The following BCKDHB variants were observed in gnomAD, a reference collection of about 807,000 sequenced individuals.
BCKDHB encodes branched chain keto acid dehydrogenase E1 subunit beta, also known as 2-oxoisovalerate dehydrogenase subunit beta, mitochondrial.
In BCKDHB, 41 loss-of-function variants were observed where a neutral mutation model predicts 48.5. The observed-to-expected ratio is 0.85, with a 90% CI of 0.66 to 1.10. BCKDHB has a LOEUF of 1.10. Ranked by LOEUF, BCKDHB falls within the 50% of genes least tolerant of loss-of-function variation. The pLI, the probability that BCKDHB is intolerant of heterozygous loss-of-function variation, is 0.00. For missense variants in BCKDHB, 496 were observed against 494.2 expected (o/e 1.00, Z -0.03); for synonymous variants, 201 against 174.8 (o/e 1.15, Z -1.18).
the BCKDHB span, among the ~76,000 whole-genome samples, chr6:80,367,430 T>C: frequency 6.6e-6 from 1 of 152,208 alleles, no homozygotes; most frequent in Non-Finnish European, 1.5e-5. Context: ...TATTTCATTC[T>C]TACCTGAACA....
the BCKDHB span, among the ~76,000 whole-genome samples, chr6:80,437,694 C>T: frequency 1.3e-5 from 2 of 152,280 alleles, no homozygotes; most frequent in Non-Finnish European, 2.9e-5. Flanking sequence ...CTTTGATGCT[C>T]ATGGTTTTCA....
intron 9 of BCKDHB, among the ~76,000 whole-genome samples, chr6:80,288,230 C>G (rs1194942571): frequency 1.3e-5 from 2 of 151,832 alleles, no homozygotes; most frequent in African/African-American, 4.8e-5. Flanking sequence ...TTAATAACAA[C>G]TTTTAAAGTT....
At chr6:80,303,265 C>T (rs1767679942) in intron 9 of BCKDHB, among the ~76,000 whole-genome samples, 1 of 152,052 alleles carries the variant, frequency 6.6e-6, no homozygotes, top group Non-Finnish European at 1.5e-5. Flanking sequence ...TATCCACTGG[C>T]ATCGAGGTGG....
chr6:80,350,931 TAACGCTTGGTCTACAGAAGGCTCTC>T (rs1770374901), downstream of BCKDHB, among the ~76,000 whole-genome samples: 3 of 152,166 alleles, frequency 2.0e-5, no homozygotes, highest in South Asian at 6.2e-4. Flanking sequence ...GAACCTAGAG[TAACGCTTGGTCTACAGAAGGCTCTC>T]AATATGTTGC....
chr6:80,220,740 T>C (rs1460760214), intron 8 of BCKDHB, among the ~76,000 whole-genome samples: 6 of 138,108 alleles, frequency 4.3e-5, no homozygotes, highest in African/African-American at 1.0e-4. Context: ...TTTTCTTTTT[T>C]TTTTTTTTTT....
chr6:80,413,825 G>C, the BCKDHB span, among the ~76,000 whole-genome samples: 1 of 152,096 alleles, frequency 6.6e-6, no homozygotes, highest in African/African-American at 2.4e-5. Flanking sequence ...CAGTAATGGG[G>C]TTGCTGGGTC....
intron 9 of BCKDHB, 67 bp from the exon 10 acceptor site, chr6:80,343,597 G>T: frequency 6.7e-7 from 1 of 1,499,120 alleles, no homozygotes; most frequent in East Asian, 2.3e-5. Flanking sequence ...AATATTTTAA[G>T]TTGCACTATT....
chr6:80,273,235 T>C lies in BCKDHB; in HGVS notation c.1038+14T>C. 6.2e-7 allele frequency: 1 copy of C among 1,605,742 alleles called. No homozygotes were observed. On this transcript the variant is annotated intron_variant, in intron 9 of 9. Coordinates refer to ENST00000320393, the MANE Select transcript of BCKDHB (RefSeq NM_183050.4). The stretch of plus-strand genomic sequence containing the variant: ...TCTACAGTTCAGGTAGAGTAATTTT[T>C]GGAACTGATTTCAATGCTTGTGCAA...
chr6:80,322,499 A>C (rs1768791609), intron 9 of BCKDHB, among the ~76,000 whole-genome samples: 1 of 151,908 alleles, frequency 6.6e-6, no homozygotes, highest in Admixed American at 6.6e-5. Flanking sequence ...GGCCTCCCAA[A>C]GTGCTGGGAT....
the BCKDHB span, among the ~76,000 whole-genome samples, chr6:80,378,469 A>G: frequency 4.0e-5 from 6 of 151,854 alleles, no homozygotes; most frequent in East Asian, 1.9e-4. Context: ...GTGTGTGTGT[A>G]TATATATAAT....
At chr6:80,110,044 T>G (rs943408339) in intron 1 of BCKDHB, among the ~76,000 whole-genome samples, 1 of 152,242 alleles carries the variant, frequency 6.6e-6, no homozygotes, top group Non-Finnish European at 1.5e-5. Flanking sequence ...CTTTTCACTC[T>G]TTTATTTTGG....
chr6:80,156,832 A>G (rs550736751), intron 3 of BCKDHB, among the ~76,000 whole-genome samples: 1 of 152,310 alleles, frequency 6.6e-6, no homozygotes, highest in South Asian at 2.1e-4. Context: ...TGGTGTTGAC[A>G]TTTCAGCAGA....
chr6:80,359,659 A>G, the BCKDHB span, among the ~76,000 whole-genome samples: 1 of 152,252 alleles, frequency 6.6e-6, no homozygotes, highest in East Asian at 1.9e-4. Flanking sequence ...CAGTGGCGCT[A>G]TCTGGGCTCA....
At chr6:80,314,700 G>A (rs567179948) in intron 9 of BCKDHB, among the ~76,000 whole-genome samples, 10 of 152,104 alleles carry the variant, frequency 6.6e-5, no homozygotes, top group East Asian at 1.9e-4. Context: ...CCGCTGAGTC[G>A]TCAAAACAAC....
At chr6:80,314,337 G>A (rs746479387) in intron 9 of BCKDHB, among the ~76,000 whole-genome samples, 3 of 152,220 alleles carry the variant, frequency 2.0e-5, no homozygotes, top group South Asian at 2.1e-4. Context: ...ATCTGGCTGC[G>A]TTTTGGTGGA....
the BCKDHB span, among the ~76,000 whole-genome samples, chr6:80,398,759 G>T: frequency 6.6e-6 from 1 of 151,070 alleles, no homozygotes; most frequent in South Asian, 2.1e-4. Flanking sequence ...GAATTATCTT[G>T]ATACCAAAAC....
chr6:80,212,940 A>G (rs1775007107), intron 8 of BCKDHB, among the ~76,000 whole-genome samples: 2 of 152,112 alleles, frequency 1.3e-5, no homozygotes, highest in African/African-American at 4.8e-5. Flanking sequence ...TACTCTTGTT[A>G]TTTACATTGT....
At chr6:80,390,308 T>A in the BCKDHB span, among the ~76,000 whole-genome samples, 1 of 82,554 alleles carries the variant, frequency 1.2e-5, no homozygotes. Context: ...GGAATGAAGG[T>A]TTGGGTCACT....
At chr6:80,457,757 G>A in the BCKDHB span, among the ~76,000 whole-genome samples, 3 of 152,178 alleles carry the variant, frequency 2.0e-5, no homozygotes, top group Non-Finnish European at 2.9e-5. Flanking sequence ...CATCCTATTT[G>A]TGGCCCTCTT....
Sources: gnomAD v4.1 joint callset for allele counts (sites outside exome capture counted in the v4.1 genomes callset) on GRCh38, gnomAD v4.1.1 for gene constraint, MANE v1.5 for transcripts, NCBI Gene and HGNC (gene_info 2026-07-23, HGNC 2026-07-21) for gene names.